Variants in PRRT1B observed in about 807,000 individuals in gnomAD.
PRRT1B encodes the protein dispanin subfamily D member 2.
At chr9:131,552,622 C>T (rs1285009079) in intron 1 of PRRT1B, among the ~76,000 whole-genome samples, 4 of 151,370 alleles carry the variant, frequency 2.6e-5, no homozygotes, top group Admixed American at 2.6e-4. Flanking sequence ...TTTTTTTAGG[C>T]TGGTCTGGGT....
chr9:131,549,808 T>TA (rs1950998818), intron 1 of PRRT1B, among the ~76,000 whole-genome samples: 1 of 152,222 alleles, frequency 6.6e-6, no homozygotes, highest in South Asian at 2.1e-4. Context: ...CACTCTTTTT[T>TA]AGTTATCCCC....
chr9:131,553,487 G>C (rs938403747), intron 1 of PRRT1B, among the ~76,000 whole-genome samples: 1 of 152,202 alleles, frequency 6.6e-6, no homozygotes, highest in Non-Finnish European at 1.5e-5. Context: ...GGGGCCATGA[G>C]TGAGCCCCTA....
At chr9:131,555,994 C>T (rs1951046637) in intron 2 of PRRT1B, 76 bp from the exon 3 acceptor site, 1 of 399,052 alleles carries the variant, frequency 2.5e-6, no homozygotes, top group Non-Finnish European at 4.4e-6. Flanking sequence ...CTTGCATGGC[C>T]TGGCTGGCCT....
rs1951047148 is a variant in PRRT1B at position 131,556,060 on chromosome 9, G to GC, written c.499-5dup. ...CCAGCTCCCTCACCACTGTGGCTCT[G>GC]CCCCCACAGTACAATGGCCCGATGG... On this transcript the variant is annotated splice_polypyrimidine_tract_variant and intron_variant, in intron 2 of 3. Transcript: ENST00000636672. The GC allele has an allele frequency of 2.5e-6, 1 of 400,970 alleles. No individual in the cohort carries two copies. 24.8% of individuals were successfully genotyped at this position (400,970 alleles called of 1,614,324 possible).
At chr9:131,550,302 A>G (rs978959800) in intron 1 of PRRT1B, among the ~76,000 whole-genome samples, 34 of 152,036 alleles carry the variant, frequency 2.2e-4, no homozygotes, top group African/African-American at 8.2e-4. Context: ...ACAACCCATT[A>G]TTCTGTTCTG....
chr9:131,556,382 C>T (rs1951050379), intron 3 of PRRT1B, among the ~76,000 whole-genome samples, 169 bp downstream of exon 3: 1 of 152,162 alleles, frequency 6.6e-6, no homozygotes, highest in Non-Finnish European at 1.5e-5. Context: ...ATCCTTGCTC[C>T]TCCTGTCTCT....
At chr9:131,559,395 T>A (rs1359562710), downstream of PRRT1B, among the ~76,000 whole-genome samples, 2 of 152,208 alleles carry the variant, frequency 1.3e-5, no homozygotes, top group Non-Finnish European at 2.9e-5. Context: ...GTGAGCTGAT[T>A]GTGCCACTGC....
At chr9:131,552,186 C>T (rs1210475852) in intron 1 of PRRT1B, among the ~76,000 whole-genome samples, 1 of 152,202 alleles carries the variant, frequency 6.6e-6, no homozygotes, top group Non-Finnish European at 1.5e-5. Flanking sequence ...CATGCCACTT[C>T]CCCCTTTTAG....
chr9:131,549,103 C>T (rs568258881), intron 1 of PRRT1B, among the ~76,000 whole-genome samples: 289 of 152,170 alleles, frequency 1.9e-3, no homozygotes, highest in Non-Finnish European at 3.3e-3. Flanking sequence ...TTACCCAATC[C>T]GCTCCCGACA....
intron 2 of PRRT1B, among the ~76,000 whole-genome samples, chr9:131,555,433 T>C (rs1951042898): frequency 6.6e-6 from 1 of 152,096 alleles, no homozygotes. Flanking sequence ...CCCAGCACTT[T>C]GGGAGGCCAA....
intron 1 of PRRT1B, among the ~76,000 whole-genome samples, chr9:131,552,379 T>A (rs1951017706): frequency 6.6e-6 from 1 of 152,236 alleles, no homozygotes. Context: ...AGGGTTGGCA[T>A]CTGCTGAGTG....
intron 1 of PRRT1B, among the ~76,000 whole-genome samples, chr9:131,553,364 T>C (rs993545069): frequency 1.3e-5 from 2 of 152,238 alleles, no homozygotes; most frequent in African/African-American, 4.8e-5. Context: ...CAATGTGCCA[T>C]TGTGCAAAGC....
At chr9:131,555,437 A>G (rs1225045013) in intron 2 of PRRT1B, among the ~76,000 whole-genome samples, 1 of 152,166 alleles carries the variant, frequency 6.6e-6, no homozygotes, top group African/African-American at 2.4e-5. Context: ...GCACTTTGGG[A>G]GGCCAAGACA....
rs1482800565 is a variant in PRRT1B at position 131,545,655 on chromosome 9, G to A, written c.25+15G>A. The A allele has an allele frequency of 1.0e-5, 4 of 400,822 alleles. No homozygotes were observed. Among genetic ancestry groups the A allele is most frequent in the Non-Finnish European group, 1.8e-5 (4 of 228,106 alleles). The allele number at this position is 400,822 out of a possible 1,614,324, so 24.8% of individuals were successfully genotyped here. A position where few individuals can be genotyped will look rare whatever the true frequency, so the allele number is the denominator to read the frequency against. On this transcript the variant is annotated intron_variant, in intron 1 of 3. Transcript: ENST00000636672. ...TGGAGGGGCAGGTGCCGGAGGGGCA[G>A]GTGCTGGTGGGACAGGTACTGGCGG... is the stretch of plus-strand genomic sequence containing the variant.
At position 131,552,707 on chromosome 9, in the gene PRRT1B, C is replaced by G. The variant is rs547191027; in HGVS notation, c.26-1850C>G. On this transcript the variant is annotated intron_variant, in intron 1 of 3. Transcript: ENST00000636672. ...TTTTTTTTTGAGACGGAGTCTCACT[C>G]TGTAGCCCAAGCTGTAGTGCAGCGG... is the stretch of plus-strand genomic sequence containing the variant. 2.0e-5 allele frequency among the ~76,000 whole-genome samples: 3 copies of G among 151,080 alleles called. No homozygotes were observed. In the South Asian group the frequency reaches 6.2e-4, roughly 31 times the overall value.
chr9:131,557,279 A>T (rs916479540), intron 3 of PRRT1B, among the ~76,000 whole-genome samples: 2 of 152,102 alleles, frequency 1.3e-5, no homozygotes, highest in African/African-American at 4.8e-5. Flanking sequence ...TGGCTCACAA[A>T]TGTAACCCCA....
rs928899432 is a variant in PRRT1B, at chr9:131,546,707, C to T, written c.25+1067C>T. On this transcript the variant is annotated intron_variant, in intron 1 of 3. Transcript: ENST00000636672. ...CGGACCCCCCTTCCCAGCTGGAATG[C>T]CTGGCGGAGGCTCCGGTGTCAAGAG... is the stretch of plus-strand genomic sequence containing the variant. Among the ~76,000 whole-genome samples the T allele has an allele frequency of 2.7e-4, 41 of 150,252 alleles. 1 individual carries two copies. Among genetic ancestry groups the T allele is most frequent in the Admixed American group, 1.0e-3 (15 of 15,018 alleles).
chr9:131,547,966 G>A (rs750384502), intron 1 of PRRT1B, among the ~76,000 whole-genome samples: 2 of 152,146 alleles, frequency 1.3e-5, no homozygotes, highest in African/African-American at 2.4e-5. Context: ...TGGGAAGACC[G>A]TCTTCCCTTG....
chr9:131,556,507 T>C (rs1951051370), intron 3 of PRRT1B, among the ~76,000 whole-genome samples: 2 of 152,236 alleles, frequency 1.3e-5, no homozygotes, highest in Non-Finnish European at 2.9e-5. Context: ...GCTTGTGTTT[T>C]AAAGGGGGTA....
Sources: gnomAD v4.1 joint callset for allele counts (sites outside exome capture counted in the v4.1 genomes callset) on GRCh38, gnomAD v4.1.1 for gene constraint, MANE v1.5 for transcripts, NCBI Gene and HGNC (gene_info 2026-07-23, HGNC 2026-07-21) for gene names.